Variants in CACNB2 observed in about 807,000 individuals in gnomAD.
CACNB2 encodes voltage-dependent L-type calcium channel subunit beta-2.
Under a neutral mutation model 73.3 loss-of-function variants are expected in CACNB2, and 42 were observed. That is an observed-to-expected ratio of 0.57 (90% CI 0.45 to 0.74). The LOEUF (loss-of-function observed/expected upper bound fraction) is 0.74, where lower values mean the gene tolerates loss of function less well. Ranked by LOEUF, CACNB2 falls within the 30% of genes least tolerant of loss-of-function variation. CACNB2 has a pLI of 0.00. For missense variants in CACNB2, 940 were observed against 853.0 expected (o/e 1.10, Z -1.27); for synonymous variants, 348 against 310.3 (o/e 1.12, Z -1.28).
intron 2 of CACNB2, among the ~76,000 whole-genome samples, chr10:18,162,708 C>T (rs2032556238): frequency 6.6e-6 from 1 of 152,106 alleles, no homozygotes; most frequent in African/African-American, 2.4e-5. Flanking sequence ...GAACCAGCTC[C>T]TAGGGAATTA....
intron 3 of CACNB2, among the ~76,000 whole-genome samples, chr10:18,402,603 TAA>T (rs949047545): frequency 1.3e-5 from 2 of 152,176 alleles, no homozygotes; most frequent in African/African-American, 4.8e-5. Flanking sequence ...TCCATCTTAA[TAA>T]AGTGTGTATA....
intron 2 of CACNB2, among the ~76,000 whole-genome samples, chr10:18,166,820 A>G (rs2032889352): frequency 6.6e-6 from 1 of 152,176 alleles, no homozygotes; most frequent in Non-Finnish European, 1.5e-5. Context: ...GGTGCAGCAC[A>G]CCAACATGGC....
rs1360690647 is a variant in CACNB2 at position 18,464,418 on chromosome 10, T to TTAAAAAAAAAAAAAAAAAAAAAAAAA, written c.334-33937_334-33936insTAAAAAAAAAAAAAAAAAAAAAAAAA. Among the ~76,000 whole-genome samples the TTAAAAAAAAAAAAAAAAAAAAAAAAA allele has an allele frequency of 3.3e-4, 28 of 85,306 alleles. 1 individual carries two copies. The highest frequency in any genetic ancestry group is 6.9e-3 in the Middle Eastern group (1 of 144). 56.0% of individuals were successfully genotyped at this position (85,306 alleles called of 152,430 possible). On this transcript the variant is annotated intron_variant, in intron 3 of 13. Coordinates refer to ENST00000324631, the MANE Select transcript of CACNB2 (RefSeq NM_201596.3). ...CAGAGTGAGACCCTGTCTCAAAAAT[T>TTAAAAAAAAAAAAAAAAAAAAAAAAA]AAAAAAAAAAAAAAAAAAAAAAGAA... is the stretch of plus-strand genomic sequence containing the variant.
At chr10:18,431,697 C>G (rs2132835087) in intron 3 of CACNB2, among the ~76,000 whole-genome samples, 1 of 152,168 alleles carries the variant, frequency 6.6e-6, no homozygotes, top group East Asian at 1.9e-4. Context: ...ATAAAAAAGC[C>G]AAGAAACAAA....
intron 2 of CACNB2, chr10:18,261,226 C>T: frequency 6.5e-7 from 1 of 1,550,382 alleles, no homozygotes; most frequent in Non-Finnish European, 8.7e-7. Flanking sequence ...AGGCACAGTG[C>T]AGCTTGGTGA....
intron 2 of CACNB2, among the ~76,000 whole-genome samples, chr10:18,331,134 C>T (rs569525488): frequency 1.4e-3 from 212 of 152,130 alleles, no homozygotes; most frequent in African/African-American, 4.5e-3. Context: ...TACAGGCGTG[C>T]GCCACCATGC....
At chr10:18,390,699 C>A (rs1293078083) in intron 2 of CACNB2, among the ~76,000 whole-genome samples, 2 of 152,084 alleles carry the variant, frequency 1.3e-5, no homozygotes, top group African/African-American at 4.8e-5. Context: ...GTCATATTTT[C>A]TGCTGTAAAT....
intron 2 of CACNB2, among the ~76,000 whole-genome samples, chr10:18,161,123 G>A (rs571632622): frequency 1.1e-4 from 17 of 152,244 alleles, no homozygotes; most frequent in African/African-American, 3.1e-4. Flanking sequence ...CAAGAAGGAT[G>A]GAAGAAGCTC....
chr10:18,447,733 A>G (rs2046804805), intron 3 of CACNB2, among the ~76,000 whole-genome samples: 2 of 152,044 alleles, frequency 1.3e-5, no homozygotes, highest in African/African-American at 2.4e-5. Context: ...AAAAAAAGGC[A>G]TGAACAGAAA....
chr10:18,204,409 G>A (rs2035009808), intron 2 of CACNB2, among the ~76,000 whole-genome samples: 1 of 152,238 alleles, frequency 6.6e-6, no homozygotes, highest in Non-Finnish European at 1.5e-5. Context: ...ATTTGTAGAT[G>A]TGAATTGTGC....
chr10:18,450,963 C>A (rs2046995374), intron 3 of CACNB2, among the ~76,000 whole-genome samples: 2 of 152,114 alleles, frequency 1.3e-5, no homozygotes, highest in Non-Finnish European at 2.9e-5. Context: ...TGAAAAGAAT[C>A]ACTACCAATA....
At chr10:18,500,679 G>A (rs562233690) in intron 4 of CACNB2, 133 bp from the exon 5 acceptor site, 2 of 906,528 alleles carry the variant, frequency 2.2e-6, no homozygotes, top group Non-Finnish European at 3.5e-6. Context: ...TGAGCCGAAG[G>A]GTTTCTTGAA....
At chr10:18,282,942 G>A (rs1456392489) in intron 2 of CACNB2, among the ~76,000 whole-genome samples, 1 of 152,134 alleles carries the variant, frequency 6.6e-6, no homozygotes, top group Non-Finnish European at 1.5e-5. Context: ...CTAATATCCA[G>A]AATCTACAAA....
Position 18,356,944 on chromosome 10 carries a change from T to TTC in CACNB2, c.214-44979_214-44978insCT, listed in dbSNP as rs1199101886. Reference sequence around the variant, plus strand: ...TGTGCCTGGCCCAGACTCAATTTCTTTTTTTTTTTTTTTTTTTTGAGACGG... The same window carrying TTC: ...TGTGCCTGGCCCAGACTCAATTTCTTTCTTTTTTTTTTTTTTTTTTGAGACGG... On this transcript the variant is annotated intron_variant, in intron 2 of 13. Transcript: ENST00000324631. Among the ~76,000 whole-genome samples the TTC allele has an allele frequency of 1.2e-4, 10 of 84,718 alleles. No individual in the cohort carries two copies. The East Asian group carries it at 1.9e-3, about 16-fold the overall frequency. The allele number at this position is 84,718 out of a possible 152,430, so 55.6% of individuals were successfully genotyped here. A position where few individuals can be genotyped will look rare whatever the true frequency, so the allele number is the denominator to read the frequency against.
intron 9 of CACNB2, among the ~76,000 whole-genome samples, chr10:18,523,659 T>G (rs2052150970): frequency 6.6e-6 from 1 of 152,160 alleles, no homozygotes; most frequent in African/African-American, 2.4e-5. Flanking sequence ...TTTAACATTT[T>G]TACCCATGGC....
rs147737962 is a variant in CACNB2 at position 18,491,319 on chromosome 10, C to G, written c.334-7036C>G. On this transcript the variant is annotated intron_variant, in intron 3 of 13. Coordinates refer to ENST00000324631, the MANE Select transcript of CACNB2 (RefSeq NM_201596.3). ...TCTGGTAGGGCAGGGTGTGGTGGCT[C>G]ACACCTATAATCTCAGCCCTTTGGG... Among the ~76,000 whole-genome samples the G allele has an allele frequency of 1.5e-3, 226 of 152,284 alleles. 1 individual carries two copies. Among genetic ancestry groups the G allele is most frequent in the Middle Eastern group, 6.8e-3 (2 of 294 alleles).
intron 2 of CACNB2, among the ~76,000 whole-genome samples, chr10:18,242,784 A>C (rs1008644018): frequency 1.3e-5 from 2 of 151,572 alleles, no homozygotes; most frequent in African/African-American, 4.9e-5. Flanking sequence ...GGAGATTGAG[A>C]CCATCCTGGC....
chr10:18,478,142 G>C (rs1036635442), intron 3 of CACNB2, among the ~76,000 whole-genome samples: 3 of 152,142 alleles, frequency 2.0e-5, no homozygotes, highest in African/African-American at 7.2e-5. Context: ...ATGTTGCCCA[G>C]GATGGTCTCA....
At chr10:18,224,883 C>G (rs541605955) in intron 2 of CACNB2, among the ~76,000 whole-genome samples, 1 of 152,210 alleles carries the variant, frequency 6.6e-6, no homozygotes, top group Non-Finnish European at 1.5e-5. Flanking sequence ...TCCGCCTCCT[C>G]CCTGCTACAT....
Sources: gnomAD v4.1 joint callset for allele counts (sites outside exome capture counted in the v4.1 genomes callset) on GRCh38, gnomAD v4.1.1 for gene constraint, MANE v1.5 for transcripts, NCBI Gene and HGNC (gene_info 2026-07-23, HGNC 2026-07-21) for gene names.